Variants in CREB5 observed in about 807,000 individuals in gnomAD.
The protein encoded by CREB5 is cAMP responsive element binding protein 5, also known as cyclic AMP-responsive element-binding protein 5.
CREB5 carries 19 observed loss-of-function variants against 57.1 expected under a neutral mutation model. The ratio of observed to expected loss-of-function variants is 0.33; its 90% CI spans 0.23 to 0.49. CREB5 has a LOEUF of 0.49. CREB5 is among the 20% of genes least tolerant of loss of function. The pLI, the probability that CREB5 is intolerant of heterozygous loss-of-function variation, is 0.99. For synonymous variants in CREB5, 238 were observed against 238.3 expected (o/e 1.00, Z 0.01); for missense variants, 579 against 671.6 (o/e 0.86, Z 1.52).
At chr7:28,514,353 T>C (rs1367750349) in intron 4 of CREB5, among the ~76,000 whole-genome samples, 1 of 152,134 alleles carries the variant, frequency 6.6e-6, no homozygotes, top group African/African-American at 2.4e-5. Context: ...CTGAGTTCAG[T>C]ATTAATTATT....
chr7:28,786,082 GATACA>G lies in CREB5; in HGVS notation c.703-18116_703-18112del, dbSNP rs1451050144. Among the ~76,000 whole-genome samples, 598 of 152,248 alleles carry G rather than the reference GATACA, an allele frequency of 3.9e-3. 6 individuals carry two copies. The highest frequency in any genetic ancestry group is 0.013 in the African/African-American group (558 of 41,536). On this transcript the variant is annotated intron_variant, in intron 7 of 10. Coordinates refer to ENST00000357727, the MANE Select transcript of CREB5 (RefSeq NM_182898.4). ...GTGATAGTGTCAGAGGCTGAAAGAA[GATACA>G]GCCAACTTGTACTCAGTTTCATGGC...
At chr7:28,455,282 G>A (rs1178887525) in intron 1 of CREB5, among the ~76,000 whole-genome samples, 1 of 152,186 alleles carries the variant, frequency 6.6e-6, no homozygotes, top group South Asian at 2.1e-4. Flanking sequence ...GACAGACTGG[G>A]ATAGCTTCCT....
chr7:28,638,440 G>A (rs1014448545), intron 5 of CREB5, among the ~76,000 whole-genome samples: 4 of 151,052 alleles, frequency 2.6e-5, no homozygotes, highest in South Asian at 2.1e-4. Flanking sequence ...CAACCTCTCC[G>A]GACTCAAGCA....
At chr7:28,618,558 C>A (rs1340073101) in intron 5 of CREB5, among the ~76,000 whole-genome samples, 2 of 152,180 alleles carry the variant, frequency 1.3e-5, no homozygotes, top group Non-Finnish European at 2.9e-5. Flanking sequence ...TCCAGGCTGC[C>A]TGTTGGCTCT....
chr7:28,368,115 C>T (rs1021944147), intron 1 of CREB5, among the ~76,000 whole-genome samples: 2 of 152,136 alleles, frequency 1.3e-5, no homozygotes, highest in African/African-American at 4.8e-5. Flanking sequence ...GAACTGGAGG[C>T]CATTATCTTA....
Position 28,630,033 on chromosome 7 carries a change from A to G in CREB5, c.464+59496A>G, listed in dbSNP as rs985868874. On this transcript the variant is annotated intron_variant, in intron 5 of 10. Transcript: ENST00000357727. ...TTCCAAACAGCCCTGAGAGGTGGCTACCCACCTTCTGCCCCAGCCATTCTG... is the reference window on the plus strand; with the variant it reads ...TTCCAAACAGCCCTGAGAGGTGGCTGCCCACCTTCTGCCCCAGCCATTCTG... Among the ~76,000 whole-genome samples the G allele has an allele frequency of 6.6e-5, 10 of 152,212 alleles. No homozygotes were observed. In the East Asian group the frequency reaches 7.7e-4, roughly 12 times the overall value.
At chr7:28,323,090 T>C (rs1785521061) in intron 1 of CREB5, among the ~76,000 whole-genome samples, 1 of 152,188 alleles carries the variant, frequency 6.6e-6, no homozygotes, top group African/African-American at 2.4e-5. Context: ...TTTCCTTCTG[T>C]ATCCAGCTTA....
At chr7:28,464,687 C>T (rs1162079924) in intron 1 of CREB5, among the ~76,000 whole-genome samples, 2 of 147,642 alleles carry the variant, frequency 1.4e-5, no homozygotes, top group Non-Finnish European at 3.0e-5. Context: ...CCTGCTGCAT[C>T]TACTTTTGTT....
At chr7:28,699,677 T>C (rs1178336128) in intron 5 of CREB5, among the ~76,000 whole-genome samples, 1 of 152,206 alleles carries the variant, frequency 6.6e-6, no homozygotes, top group Non-Finnish European at 1.5e-5. Context: ...AAAAAAGTTA[T>C]ATCAACTTTC....
chr7:28,397,408 A>G (rs576118272), intron 1 of CREB5, among the ~76,000 whole-genome samples: 2 of 152,338 alleles, frequency 1.3e-5, no homozygotes, highest in Admixed American at 6.5e-5. Context: ...TAAGGATCCC[A>G]TCTGTTTGGC....
intron 1 of CREB5, among the ~76,000 whole-genome samples, chr7:28,315,800 A>G (rs1018339057): frequency 6.6e-6 from 1 of 152,002 alleles, no homozygotes; most frequent in African/African-American, 2.4e-5. Context: ...TATATCTTCC[A>G]ATGTGTTCCC....
At chr7:28,462,582 C>A (rs1168361303) in intron 1 of CREB5, among the ~76,000 whole-genome samples, 1 of 152,142 alleles carries the variant, frequency 6.6e-6, no homozygotes, top group Non-Finnish European at 1.5e-5. Context: ...ATCACCAACA[C>A]TTTCCGGGGT....
intron 5 of CREB5, among the ~76,000 whole-genome samples, chr7:28,713,765 A>G (rs1228525971): frequency 2.6e-5 from 4 of 152,184 alleles, no homozygotes; most frequent in African/African-American, 9.7e-5. Flanking sequence ...GTTCATTACA[A>G]GATGGTGAAA....
chr7:28,755,682 T>C (rs2128766374), intron 7 of CREB5, among the ~76,000 whole-genome samples: 1 of 152,300 alleles, frequency 6.6e-6, no homozygotes, highest in South Asian at 2.1e-4. Flanking sequence ...ATATTACAGT[T>C]CCACTCTAGG....
chr7:28,403,859 G>T (rs144975304), intron 1 of CREB5, among the ~76,000 whole-genome samples: 5 of 152,124 alleles, frequency 3.3e-5, no homozygotes, highest in African/African-American at 7.2e-5. Context: ...ACTTGTCATG[G>T]TATGTTTTAT....
intron 5 of CREB5, among the ~76,000 whole-genome samples, chr7:28,611,539 CCCTGTAATT>C (rs975231950): frequency 2.4e-4 from 35 of 147,460 alleles, no homozygotes; most frequent in Non-Finnish European, 4.6e-4. Context: ...GGTGGTGTGC[CCCTGTAATT>C]CCTGTAATTC....
chr7:28,591,560 T>C (rs1381533025), intron 5 of CREB5, among the ~76,000 whole-genome samples: 1 of 152,148 alleles, frequency 6.6e-6, no homozygotes, highest in East Asian at 1.9e-4. Flanking sequence ...TCCACCTGCC[T>C]TCAGAAACAA....
chr7:28,690,457 C>T (rs1297928709), intron 5 of CREB5, among the ~76,000 whole-genome samples: 1 of 152,140 alleles, frequency 6.6e-6, no homozygotes, highest in African/African-American at 2.4e-5. Flanking sequence ...CAGGCATTGC[C>T]AGTCAGAGAA....
At chr7:28,744,412 A>ACCT (rs2128759410) in intron 7 of CREB5, among the ~76,000 whole-genome samples, 1 of 129,280 alleles carries the variant, frequency 7.7e-6, no homozygotes, top group South Asian at 2.4e-4. Context: ...CAGTGATGCG[A>ACCT]CCTCAGCTCA....
Sources: allele counts gnomAD v4.1 joint callset (sites outside exome capture counted in the v4.1 genomes callset), GRCh38; gene constraint gnomAD v4.1.1; transcripts MANE v1.5; gene names NCBI Gene and HGNC (gene_info 2026-07-23, HGNC 2026-07-21).